PLAG1: variants seen among roughly 807,000 people sequenced by gnomAD.
PLAG1 encodes PLAG1 zinc finger.
PLAG1 carries 7 observed loss-of-function variants against 35.5 expected under a neutral mutation model. The ratio of observed to expected loss-of-function variants is 0.20; its 90% CI spans 0.11 to 0.37. The LOEUF is 0.37. Among genes scored for constraint, PLAG1 ranks in the 10% least tolerant of loss-of-function variants. The probability of loss-of-function intolerance (pLI) is 1.00; values close to 1 mark genes in which losing one functional copy is unlikely to be tolerated. For synonymous variants in PLAG1, 229 were observed against 225.4 expected, an observed-to-expected ratio of 1.02 and a Z score of -0.14; for missense variants, 454 against 602.8, an observed-to-expected ratio of 0.75 and a Z score of 2.58.
chr8:56,204,065 T>C (rs1812632436), intron 1 of PLAG1, among the ~76,000 whole-genome samples: 1 of 151,994 alleles, frequency 6.6e-6, no homozygotes, highest in Non-Finnish European at 1.5e-5. Flanking sequence ...TGACAACTGT[T>C]CCATAAGTTG....
intron 1 of PLAG1, among the ~76,000 whole-genome samples, chr8:56,197,620 G>C (rs1585819108): frequency 6.6e-6 from 1 of 152,210 alleles, no homozygotes; most frequent in South Asian, 2.1e-4. Flanking sequence ...TACCTGCACA[G>C]ACAGATACAG....
chr8:56,195,084 C>CA (rs756772605), intron 1 of PLAG1, among the ~76,000 whole-genome samples: 15 of 152,130 alleles, frequency 9.9e-5, no homozygotes, highest in Non-Finnish European at 1.6e-4. Context: ...TAATGACTAT[C>CA]AGAGATTTCT....
intron 1 of PLAG1, among the ~76,000 whole-genome samples, chr8:56,193,560 T>C (rs910242590): frequency 1.3e-5 from 2 of 152,166 alleles, no homozygotes; most frequent in African/African-American, 4.8e-5. Context: ...CCCTTGACCC[T>C]GCTACAAAGG....
At chr8:56,177,822 T>C (rs1811751477) in intron 2 of PLAG1, among the ~76,000 whole-genome samples, 1 of 151,958 alleles carries the variant, frequency 6.6e-6, no homozygotes, top group African/African-American at 2.4e-5. Flanking sequence ...GAGAAATACA[T>C]GGTTAGTTTG....
chr8:56,198,900 T>G (rs748418001), intron 1 of PLAG1, among the ~76,000 whole-genome samples: 6 of 152,176 alleles, frequency 3.9e-5, no homozygotes, highest in African/African-American at 7.2e-5. Flanking sequence ...GTACCCAGCA[T>G]GGTACTTGAC....
rs192540765 is a variant in PLAG1, at chr8:56,161,428, G to A, written c.*4815C>T. 39 of 221,154 alleles carry A rather than the reference G, an allele frequency of 1.8e-4. No homozygotes were observed. Among genetic ancestry groups the A allele is most frequent in the African/African-American group, 8.3e-4 (37 of 44,722 alleles). 13.7% of individuals were successfully genotyped at this position (221,154 alleles called of 1,614,324 possible). A position where few individuals can be genotyped will look rare whatever the true frequency, so the allele number is the denominator to read the frequency against. On this transcript the variant is annotated 3_prime_UTR_variant, in exon 5 of 5. Coordinates refer to ENST00000316981, the MANE Select transcript of PLAG1 (RefSeq NM_002655.3). Reference sequence around the variant, plus strand: ...TTTCAGCAGTCCAGCTTATGTTCAGGTATGATGCAATCCGTTTCCTAATGG... The same window carrying A: ...TTTCAGCAGTCCAGCTTATGTTCAGATATGATGCAATCCGTTTCCTAATGG...
At chr8:56,200,639 G>A (rs1215122659) in intron 1 of PLAG1, among the ~76,000 whole-genome samples, 1 of 152,148 alleles carries the variant, frequency 6.6e-6, no homozygotes, top group Non-Finnish European at 1.5e-5. Context: ...CTTTCTAGCG[G>A]CTCCTGAACT....
chr8:56,166,167 T>C lies in PLAG1; in HGVS notation c.*76A>G, dbSNP rs1811345985. Reference sequence around the variant, plus strand: ...CAGAAATTTTTATACTGTTTTAAAGTAGGCACTAAAATAAAAATGGTCATC... The same window carrying C: ...CAGAAATTTTTATACTGTTTTAAAGCAGGCACTAAAATAAAAATGGTCATC... On this transcript the variant is annotated 3_prime_UTR_variant, in exon 5 of 5. Transcript: ENST00000316981. The C allele has an allele frequency of 9.8e-7, 1 of 1,018,358 alleles. No homozygotes were observed. Among genetic ancestry groups the C allele is most frequent in the African/African-American group, 1.6e-5 (1 of 62,366 alleles). The allele number at this position is 1,018,358 out of a possible 1,614,324, so 63.1% of individuals were successfully genotyped here.
chr8:56,179,023 C>CAAAA (rs1173709224), intron 2 of PLAG1, among the ~76,000 whole-genome samples: 4 of 42,936 alleles, frequency 9.3e-5, no homozygotes, highest in East Asian at 7.9e-4. Flanking sequence ...GCCCAGGAGA[C>CAAAA]AAAAAAAAAA....
At chr8:56,193,607 G>A (rs1258499756) in intron 1 of PLAG1, among the ~76,000 whole-genome samples, 1 of 152,078 alleles carries the variant, frequency 6.6e-6, no homozygotes, top group Non-Finnish European at 1.5e-5. Context: ...ACTCTACTGA[G>A]GCTAAACGGT....
Position 56,164,597 on chromosome 8 carries a change from C to G in PLAG1, c.*1646G>C, listed in dbSNP as rs1333122543. On this transcript the variant is annotated 3_prime_UTR_variant, in exon 5 of 5. Transcript: ENST00000316981. ...AAAGAGATATATACTCTTCTAAAAA[C>G]CTCCCACCCTTGCCCCCATCCCCAA... 4.5e-6 allele frequency: 1 copy of G among 221,760 alleles called. No homozygotes were observed. The highest frequency in any genetic ancestry group is 2.2e-5 in the African/African-American group (1 of 44,474). The allele number at this position is 221,760 out of a possible 1,614,324, so 13.7% of individuals were successfully genotyped here.
At position 56,200,300 on chromosome 8, in the gene PLAG1, A is replaced by G. The variant is rs140148548; in HGVS notation, c.-322+10821T>C. 2.6e-4 allele frequency among the ~76,000 whole-genome samples: 40 copies of G among 152,340 alleles called. No homozygotes were observed. The East Asian group carries it at 6.7e-3, about 26-fold the overall frequency. On this transcript the variant is annotated intron_variant, in intron 1 of 4. Coordinates refer to ENST00000316981, the MANE Select transcript of PLAG1 (RefSeq NM_002655.3). ...CCCATGACGGAAGTTCCAACTGAAT[A>G]TAGAAAAAGGTGGTTCCATGACTAA...
chr8:56,182,408 A>G (rs1741805052), intron 1 of PLAG1, among the ~76,000 whole-genome samples: 1 of 152,322 alleles, frequency 6.6e-6, no homozygotes, highest in East Asian at 1.9e-4. Flanking sequence ...GAGCCTAAAG[A>G]TCACCTCTAT....
intron 2 of PLAG1, among the ~76,000 whole-genome samples, chr8:56,172,068 C>G (rs1043187702): frequency 6.6e-6 from 1 of 152,058 alleles, no homozygotes; most frequent in African/African-American, 2.4e-5. Context: ...GATGAACATT[C>G]AGAAATCATG....
At chr8:56,207,680 T>C (rs1697058376) in intron 1 of PLAG1, among the ~76,000 whole-genome samples, 1 of 152,078 alleles carries the variant, frequency 6.6e-6, no homozygotes, top group Admixed American at 6.5e-5. Flanking sequence ...CCAACTGAAA[T>C]AAAGATTTTG....
chr8:56,166,509 T>A lies in PLAG1; in HGVS notation c.1237A>T (p.Thr413Ser). The A allele has an allele frequency of 3.7e-6, 6 of 1,613,980 alleles. No homozygotes were observed. Among genetic ancestry groups the A allele is most frequent in the Non-Finnish European group, 5.1e-6 (6 of 1,179,944 alleles). The change falls in exon 5 of 5, where the codon ACA becomes TCA. Residue 413 changes from threonine to serine, a missense_variant. Around this residue, in one of 4 missense-constraint regions of PLAG1, gnomAD observed 271 missense variants for 315.6 expected, o/e 0.86. Coordinates refer to ENST00000316981, the MANE Select transcript of PLAG1 (RefSeq NM_002655.3). ...AACTGAGAAAAATCCAATGCTGGTG[T>A]GTTTAGGGGGTCACTGATGGAGATA... Reference protein sequence around the residue: ...SSISISDPLNTPALDFSQLFN... With the variant: ...SSISISDPLNSPALDFSQLFN...
At chr8:56,175,892 A>G (rs1322149895) in intron 2 of PLAG1, among the ~76,000 whole-genome samples, 3 of 152,182 alleles carry the variant, frequency 2.0e-5, no homozygotes, top group African/African-American at 7.2e-5. Context: ...GAGTAGCCAG[A>G]GAGAATGAAC....
rs981020015 is a variant in PLAG1, at chr8:56,161,692, G to A, written c.*4551C>T. On this transcript the variant is annotated 3_prime_UTR_variant, in exon 5 of 5. Coordinates refer to ENST00000316981, the MANE Select transcript of PLAG1 (RefSeq NM_002655.3). ...TTAAGTCACAGTATAAAAATATATT[G>A]TACACTTTTACACCTAATGTAGTCC... The A allele has an allele frequency of 4.4e-6, 1 of 227,440 alleles. No individual in the cohort carries two copies. The highest frequency in any genetic ancestry group is 2.2e-5 in the African/African-American group (1 of 44,986). 14.1% of individuals were successfully genotyped at this position (227,440 alleles called of 1,614,324 possible).
intron 1 of PLAG1, among the ~76,000 whole-genome samples, chr8:56,200,373 T>C (rs1812514237): frequency 1.3e-5 from 2 of 152,228 alleles, no homozygotes; most frequent in Non-Finnish European, 2.9e-5. Flanking sequence ...GAAGTCTGAA[T>C]TGCTAGCAGA....
Sources: gnomAD v4.1 joint callset for allele counts (sites outside exome capture counted in the v4.1 genomes callset) on GRCh38, gnomAD v4.1.1 for gene constraint, gnomAD v4.1.1 regional missense constraint, MANE v1.5 for transcripts, NCBI Gene and HGNC (gene_info 2026-07-23, HGNC 2026-07-21) for gene names.